GFI1: variants seen among roughly 807,000 people sequenced by gnomAD.
GFI1 encodes the protein growth factor independent 1 transcriptional repressor.
Under a neutral mutation model 39.2 loss-of-function variants are expected in GFI1, and 15 were observed. The observed-to-expected ratio is 0.38, with a 90% confidence interval of 0.26 to 0.59. The LOEUF is 0.59. Among genes scored for constraint, GFI1 ranks in the 20% least tolerant of loss-of-function variants. GFI1 has a pLI of 0.62. For synonymous variants in GFI1, 239 were observed against 254.3 expected (o/e 0.94, Z 0.57); for missense variants, 475 against 574.0 (o/e 0.83, Z 1.76).
Position 92,482,959 on chromosome 1 carries a change from GCT to G in GFI1, c.201_202del (p.Arg67SerfsTer20). ...TTCGCAGCTGTCTGGGGATGCGGAG[GCT>G]CTGTCTGGGGCTTCGGTCAGCTGCG... On this transcript the variant is annotated frameshift_variant, in exon 3 of 7. Coordinates refer to ENST00000294702, the MANE Select transcript of GFI1 (RefSeq NM_005263.5). LOFTEE classifies it high-confidence loss of function. This position sits in a 1 kb window ranked among gnomAD's most constrained non-coding sequence, Gnocchi z 4.4. 2 of 1,613,624 alleles carry G rather than the reference GCT, an allele frequency of 1.2e-6. No individual in the cohort carries two copies. The highest frequency in any genetic ancestry group is 1.7e-6 in the Non-Finnish European group (2 of 1,179,788).
chr1:92,477,699 C>T (rs1658035438), intron 6 of GFI1, among the ~76,000 whole-genome samples: 1 of 152,146 alleles, frequency 6.6e-6, no homozygotes, highest in Non-Finnish European at 1.5e-5. Context: ...GTAAGAGCAG[C>T]TCCTTCTACT....
chr1:92,483,591 G>C lies in GFI1; in HGVS notation c.-99-5C>G, dbSNP rs1658394837. On this transcript the variant is annotated splice_polypyrimidine_tract_variant and splice_region_variant and intron_variant, in intron 1 of 6. Transcript: ENST00000294702. ...CAGCCCCAGCCCGGAGGAGACCTGA[G>C]AGGGAAAGAAAACCAGGTGGAGACG... is the stretch of plus-strand genomic sequence containing the variant. 2 of 739,704 alleles carry C rather than the reference G, an allele frequency of 2.7e-6. No individual in the cohort carries two copies. The highest frequency in any genetic ancestry group is 4.9e-6 in the Non-Finnish European group (2 of 410,928). 45.8% of individuals were successfully genotyped at this position (739,704 alleles called of 1,614,324 possible). A position where few individuals can be genotyped will look rare whatever the true frequency, so the allele number is the denominator to read the frequency against.
rs139144506 is a variant in GFI1, at chr1:92,478,646, G to A, written c.1032C>T (p.Tyr344=). 1,364 of 1,613,952 alleles carry A rather than the reference G, an allele frequency of 8.5e-4. 2 individuals are homozygous for A. Among genetic ancestry groups the A allele is most frequent in the Non-Finnish European group, 1.1e-3 (1,290 of 1,179,994 alleles). Reference sequence around the variant, plus strand: ...ACTTCTGGTGGAACCTCTTGCCACAGTACTGACAGGGGTAGGGCCGAGTGT... The same window carrying A: ...ACTTCTGGTGGAACCTCTTGCCACAATACTGACAGGGGTAGGGCCGAGTGT... The part of the protein sequence containing the change: ...HSDTRPYPCQ[Y]CGKRFHQKSD... The change falls in exon 6 of 7, where the codon TAC becomes TAT. Residue 344 remains tyrosine, a synonymous_variant. Transcript: ENST00000294702.
chr1:92,476,227 A>T lies in GFI1; in HGVS notation c.1091-20T>A. ...TCTCACCTGTGGGGATGGGAGGGGG[A>T]GGGGAGAAAGTATGAGTCTATGATA... On this transcript the variant is annotated intron_variant, in intron 6 of 6. Coordinates refer to ENST00000294702, the MANE Select transcript of GFI1 (RefSeq NM_005263.5). 6.3e-7 allele frequency: 1 copy of T among 1,596,830 alleles called. No homozygotes were observed. Among genetic ancestry groups the T allele is most frequent in the Non-Finnish European group, 8.6e-7 (1 of 1,168,240 alleles).
Position 92,481,103 on chromosome 1 carries a change from G to A in GFI1, c.299-15C>T. 6.2e-7 allele frequency: 1 copy of A among 1,605,048 alleles called. No homozygotes were observed. Among genetic ancestry groups the A allele is most frequent in the Non-Finnish European group, 8.5e-7 (1 of 1,174,754 alleles). ...CTTCTCCGAGGCTGTGGAGGCACAA[G>A]GGGAGCGTCCGGTCAGGCTTCAGAC... On this transcript the variant is annotated splice_polypyrimidine_tract_variant and intron_variant, in intron 3 of 6. Coordinates refer to ENST00000294702, the MANE Select transcript of GFI1 (RefSeq NM_005263.5). The surrounding 1 kb of genome is among the most constrained non-coding windows in gnomAD (Gnocchi z 4.3).
In GFI1 at chr1:92,480,736, C is replaced by A. The variant is rs762492527; in HGVS notation, c.651G>T (p.Ala217=). The change falls in exon 4 of 7, where the codon GCG becomes GCT. Residue 217 remains alanine, a synonymous_variant. Coordinates refer to ENST00000294702, the MANE Select transcript of GFI1 (RefSeq NM_005263.5). This position sits in a 1 kb window ranked among gnomAD's most constrained non-coding sequence, Gnocchi z 5.6. ...CACGCTCGGGGTACAGCAAGCCCGC[C>A]GCTGCCGTGGGCCTCTCATACAGCC... ...AAGLYERPTA[A]AGLLYPERGH... The A allele has an allele frequency of 6.3e-6, 10 of 1,599,524 alleles. No individual in the cohort carries two copies. Among genetic ancestry groups the A allele is most frequent in the Non-Finnish European group, 8.5e-6 (10 of 1,178,462 alleles).
At position 92,482,841 on chromosome 1, in the gene GFI1, A is replaced by G. The variant is rs1571219923; in HGVS notation, c.298+23T>C. On this transcript the variant is annotated intron_variant, in intron 3 of 6. Transcript: ENST00000294702. This position sits in a 1 kb window ranked among gnomAD's most constrained non-coding sequence, Gnocchi z 4.4. Reference sequence around the variant, plus strand: ...GCCGGGTCCCTGCAGCTCCCGCCCAAGAGGTTCCCAGTGGGTTCCTACCTG... The same window carrying G: ...GCCGGGTCCCTGCAGCTCCCGCCCAGGAGGTTCCCAGTGGGTTCCTACCTG... The G allele has an allele frequency of 6.2e-7, 1 of 1,602,760 alleles. No individual in the cohort carries two copies. The highest frequency in any genetic ancestry group is 8.5e-7 in the Non-Finnish European group (1 of 1,169,866).
intron 1 of GFI1, chr1:92,483,793 A>C (rs1192135102): frequency 2.3e-6 from 1 of 432,846 alleles, no homozygotes; most frequent in African/African-American, 2.0e-5. Flanking sequence ...CGCCACTGAC[A>C]CAGCTCAGCG....
At position 92,481,209 on chromosome 1, in the gene GFI1, T is replaced by A; in HGVS notation, c.299-121A>T. The stretch of plus-strand genomic sequence containing the variant: ...GGGGCACCCAGCGCTTGTAGAACAC[T>A]GCGTGCGCCAGGTGCCAGGCTCGCC... On this transcript the variant is annotated intron_variant, in intron 3 of 6. Transcript: ENST00000294702. This position sits in a 1 kb window ranked among gnomAD's most constrained non-coding sequence, Gnocchi z 4.3. 2.2e-6 allele frequency: 2 copies of A among 899,318 alleles called. No individual in the cohort carries two copies. 55.7% of individuals were successfully genotyped at this position (899,318 alleles called of 1,614,324 possible).
At chr1:92,477,168 T>G (rs1658016636) in intron 6 of GFI1, among the ~76,000 whole-genome samples, 1 of 152,222 alleles carries the variant, frequency 6.6e-6, no homozygotes, top group Non-Finnish European at 1.5e-5. Context: ...ATTTCCTTGA[T>G]AAGAAACCAC....
In GFI1 at chr1:92,480,524, G is replaced by A. The variant is rs1373541340; in HGVS notation, c.787-39C>T. 1.9e-6 allele frequency: 3 copies of A among 1,547,596 alleles called. No individual in the cohort carries two copies. The highest frequency in any genetic ancestry group is 1.7e-6 in the Non-Finnish European group (2 of 1,145,840). On this transcript the variant is annotated intron_variant, in intron 4 of 6. Transcript: ENST00000294702. The surrounding 1 kb of genome is among the most constrained non-coding windows in gnomAD (Gnocchi z 5.6). ...GGCCAGAGAGAAGGCCGCTGAGAGGGGCCGCGGGGCGCAGGCGAGGCGCGG... is the reference window on the plus strand; with the variant it reads ...GGCCAGAGAGAAGGCCGCTGAGAGGAGCCGCGGGGCGCAGGCGAGGCGCGG...
At chr1:92,485,085 TC>T (rs753204407) in intron 1 of GFI1, among the ~76,000 whole-genome samples, 1 of 152,056 alleles carries the variant, frequency 6.6e-6, no homozygotes, top group African/African-American at 2.4e-5. Flanking sequence ...CCCCATTGTG[TC>T]CCCTTCTCCG....
In GFI1 at chr1:92,476,356, A is replaced by G. The variant is rs549294424; in HGVS notation, c.1091-149T>C. ...TTGGAGGGTGACGTGTTGCAACCTG[A>G]ACTGACTCCCAGCCTGCAATGCGAG... On this transcript the variant is annotated intron_variant, in intron 6 of 6. Transcript: ENST00000294702. 4.4e-5 allele frequency: 32 copies of G among 720,714 alleles called. 1 individual carries two copies. The South Asian group carries it at 4.9e-4, about 11-fold the overall frequency. The allele number at this position is 720,714 out of a possible 1,614,324, so 44.6% of individuals were successfully genotyped here.
At position 92,480,798 on chromosome 1, in the gene GFI1, G is replaced by C. The variant is rs1486593095; in HGVS notation, c.589C>G (p.Leu197Val). ...AGAGATAGPGLGLYGDFGSAA... is the reference protein window; with the variant it reads ...AGAGATAGPGVGLYGDFGSAA... Reference sequence around the variant, plus strand: ...GACCCGAAGTCGCCGTAGAGCCCTAGGCCAGGGCCAGCGGTGGCACCGGCC... The same window carrying C: ...GACCCGAAGTCGCCGTAGAGCCCTACGCCAGGGCCAGCGGTGGCACCGGCC... Residue 197 changes from leucine (L) to valine (V), a missense_variant, in exon 4 of 7, where the codon CTA (leucine) becomes GTA (valine). By Grantham distance (32) the Leu-to-Val change is conservative (BLOSUM62 1). Transcript: ENST00000294702. This position sits in a 1 kb window ranked among gnomAD's most constrained non-coding sequence, Gnocchi z 5.6. The C allele has an allele frequency of 3.8e-6, 6 of 1,592,546 alleles. No individual in the cohort carries two copies. The highest frequency in any genetic ancestry group is 4.3e-6 in the Non-Finnish European group (5 of 1,172,964).
rs1658322344 is a variant in GFI1 at position 92,482,755 on chromosome 1, A to G, written c.298+109T>C. On this transcript the variant is annotated intron_variant, in intron 3 of 6. Transcript: ENST00000294702. The surrounding 1 kb of genome is among the most constrained non-coding windows in gnomAD (Gnocchi z 4.4). The stretch of plus-strand genomic sequence containing the variant: ...GAATCAGCTCCCTTCTCCCGGAAAG[A>G]CTCTCCAACTCCCCGTTAGCATTTC... The G allele has an allele frequency of 1.2e-6, 1 of 850,408 alleles. No individual in the cohort carries two copies. Among genetic ancestry groups the G allele is most frequent in the Non-Finnish European group, 2.0e-6 (1 of 507,270 alleles). The allele number at this position is 850,408 out of a possible 1,614,324, so 52.7% of individuals were successfully genotyped here. A position where few individuals can be genotyped will look rare whatever the true frequency, so the allele number is the denominator to read the frequency against.
rs1280023456 is a variant in GFI1, at chr1:92,482,493, T to C, written c.298+371A>G. On this transcript the variant is annotated intron_variant, in intron 3 of 6. Coordinates refer to ENST00000294702, the MANE Select transcript of GFI1 (RefSeq NM_005263.5). The surrounding 1 kb of genome is among the most constrained non-coding windows in gnomAD (Gnocchi z 4.4). The stretch of plus-strand genomic sequence containing the variant: ...TTCTGCCCTGTTCTCTGTTTGAGGT[T>C]TGGGGGTCTAGATTGCAGGATCCTA... 6.6e-6 allele frequency among the ~76,000 whole-genome samples: 1 copy of C among 152,166 alleles called. No individual in the cohort carries two copies. Among genetic ancestry groups the C allele is most frequent in the Non-Finnish European group, 1.5e-5 (1 of 68,024 alleles).
Position 92,481,215 on chromosome 1 carries a change from C to A in GFI1, c.299-127G>T, listed in dbSNP as rs1398996604. 2.1e-5 allele frequency: 18 copies of A among 857,188 alleles called. No individual in the cohort carries two copies. The East Asian group carries it at 4.3e-4, about 20-fold the overall frequency. The allele number at this position is 857,188 out of a possible 1,614,324, so 53.1% of individuals were successfully genotyped here. A position where few individuals can be genotyped will look rare whatever the true frequency, so the allele number is the denominator to read the frequency against. On this transcript the variant is annotated intron_variant, in intron 3 of 6. Coordinates refer to ENST00000294702, the MANE Select transcript of GFI1 (RefSeq NM_005263.5). This position sits in a 1 kb window ranked among gnomAD's most constrained non-coding sequence, Gnocchi z 4.3. Reference sequence around the variant, plus strand: ...CCCAGCGCTTGTAGAACACTGCGTGCGCCAGGTGCCAGGCTCGCCCCAGGG... The same window carrying A: ...CCCAGCGCTTGTAGAACACTGCGTGAGCCAGGTGCCAGGCTCGCCCCAGGG...
intron 6 of GFI1, 149 bp downstream of exon 6, chr1:92,478,439 A>G: frequency 1.4e-6 from 1 of 727,532 alleles, no homozygotes; most frequent in South Asian, 1.7e-5. Flanking sequence ...TGAACCAAAG[A>G]ACCCACCCCT....
rs531482551 is a variant in GFI1, at chr1:92,475,957, C to A, written c.*72G>T. 1.4e-6 allele frequency: 2 copies of A among 1,397,178 alleles called. No homozygotes were observed. The highest frequency in any genetic ancestry group is 2.8e-5 in the African/African-American group (2 of 71,128). 86.5% of individuals were successfully genotyped at this position (1,397,178 alleles called of 1,614,324 possible). A position where few individuals can be genotyped will look rare whatever the true frequency, so the allele number is the denominator to read the frequency against. On this transcript the variant is annotated 3_prime_UTR_variant, in exon 7 of 7. Transcript: ENST00000294702. ...GAAGGGAGTGGAGGCAAGCAGGGAG[C>A]AGAGTGGTGGCAAGCAGGGAGGCTG...
Sources: allele counts gnomAD v4.1 joint callset (sites outside exome capture counted in the v4.1 genomes callset), GRCh38; gene constraint gnomAD v4.1.1; non-coding constraint Gnocchi (gnomAD v3.1); transcripts MANE v1.5; gene names NCBI Gene and HGNC (gene_info 2026-07-23, HGNC 2026-07-21).